Variants in ABLIM3 observed in about 807,000 individuals in gnomAD.
ABLIM3 encodes the protein actin-binding LIM protein 3.
ABLIM3 carries 61 observed loss-of-function variants against 109.5 expected under a neutral mutation model. The observed-to-expected ratio is 0.56, with a 90% CI of 0.45 to 0.69. ABLIM3 has a LOEUF of 0.69. Ranked by LOEUF, ABLIM3 falls within the 30% of genes least tolerant of loss-of-function variation. ABLIM3 has a pLI of 0.00. For missense variants in ABLIM3, 796 were observed against 889.5 expected (o/e 0.89, Z 1.34); for synonymous variants, 300 against 324.8 (o/e 0.92, Z 0.82).
chr5:149,233,812 A>T (rs1231004048), intron 10 of ABLIM3, among the ~76,000 whole-genome samples: 1 of 152,224 alleles, frequency 6.6e-6, no homozygotes, highest in African/African-American at 2.4e-5. Context: ...ATCATGTGGG[A>T]AGTCCAGGGA....
At chr5:149,160,426 CTAG>C (rs1199829040) in intron 2 of ABLIM3, among the ~76,000 whole-genome samples, 1 of 15,712 alleles carries the variant, frequency 6.4e-5, no homozygotes, top group Non-Finnish European at 1.9e-4. Context: ...CATCTGCACT[CTAG>C]TCTGGGCGAC....
At chr5:149,209,017 G>T (rs1759288214) in intron 6 of ABLIM3, among the ~76,000 whole-genome samples, 1 of 152,116 alleles carries the variant, frequency 6.6e-6, no homozygotes, top group Non-Finnish European at 1.5e-5. Flanking sequence ...TCCTGTATAG[G>T]AGCTCAAACA....
At chr5:149,243,070 G>GT (rs1207224700) in intron 15 of ABLIM3, among the ~76,000 whole-genome samples, 1 of 152,210 alleles carries the variant, frequency 6.6e-6, no homozygotes, top group East Asian at 1.9e-4. Context: ...ATGTAGATGA[G>GT]TAAGGTTGCA....
intron 2 of ABLIM3, among the ~76,000 whole-genome samples, chr5:149,183,139 T>A (rs1756608156): frequency 6.6e-6 from 1 of 152,202 alleles, no homozygotes; most frequent in Non-Finnish European, 1.5e-5. Context: ...AAAGATGGTA[T>A]TTTTGATCAC....
chr5:149,170,821 T>A (rs1305144252), intron 2 of ABLIM3, among the ~76,000 whole-genome samples: 2 of 152,244 alleles, frequency 1.3e-5, no homozygotes, highest in African/African-American at 2.4e-5. Flanking sequence ...ATCTCAAAGA[T>A]GTCTCAAAAT....
At chr5:149,162,632 G>C (rs1754475499) in intron 2 of ABLIM3, among the ~76,000 whole-genome samples, 1 of 152,170 alleles carries the variant, frequency 6.6e-6, no homozygotes, top group Non-Finnish European at 1.5e-5. Flanking sequence ...TCACCTTTCA[G>C]TTCCTTTTAC....
intron 2 of ABLIM3, among the ~76,000 whole-genome samples, chr5:149,173,709 CA>C (rs550610446): frequency 4.4e-4 from 67 of 152,140 alleles, no homozygotes; most frequent in African/African-American, 1.6e-3. Flanking sequence ...AGAAGCTGGC[CA>C]GGGGTAAGGC....
intron 10 of ABLIM3, among the ~76,000 whole-genome samples, chr5:149,234,662 A>G (rs1414265056): frequency 1.3e-5 from 2 of 152,248 alleles, no homozygotes; most frequent in East Asian, 3.8e-4. Context: ...CTTTGATCAC[A>G]GGCTGTACTC....
intron 23 of ABLIM3, among the ~76,000 whole-genome samples, chr5:149,256,806 G>A (rs1003243160): frequency 6.6e-6 from 1 of 152,168 alleles, no homozygotes; most frequent in Admixed American, 6.5e-5. Flanking sequence ...CATGGGCTTT[G>A]TCCTATTTTC....
At chr5:149,164,474 TTC>T (rs1387889701) in intron 2 of ABLIM3, among the ~76,000 whole-genome samples, 3 of 152,138 alleles carry the variant, frequency 2.0e-5, no homozygotes, top group African/African-American at 7.2e-5. Context: ...AGGTCAGTGG[TTC>T]TCAAAATATA....
chr5:149,176,765 G>A lies in ABLIM3; in HGVS notation c.14-6687G>A, dbSNP rs536915463. Among the ~76,000 whole-genome samples the A allele has an allele frequency of 3.0e-4, 45 of 152,150 alleles. No homozygotes were observed. The East Asian group carries it at 3.9e-3, about 13-fold the overall frequency. ...CTGCTCCTATTACTTCATGCATGGC[G>A]TCACTTCCAAACCCTCTCCTATACT... On this transcript the variant is annotated intron_variant, in intron 2 of 23. Coordinates refer to ENST00000309868, the MANE Select transcript of ABLIM3 (RefSeq NM_014945.5).
intron 8 of ABLIM3, among the ~76,000 whole-genome samples, chr5:149,225,642 G>A (rs1403075295): frequency 6.6e-6 from 1 of 151,990 alleles, no homozygotes; most frequent in Non-Finnish European, 1.5e-5. Flanking sequence ...TGAGATTTTA[G>A]TGCACCCATC....
At chr5:149,149,827 G>A (rs1753266943) in intron 2 of ABLIM3, among the ~76,000 whole-genome samples, 1 of 152,136 alleles carries the variant, frequency 6.6e-6, no homozygotes, top group African/African-American at 2.4e-5. Context: ...AACAAACAAA[G>A]AGAAGCAAGC....
chr5:149,225,818 T>C (rs185694595), intron 8 of ABLIM3, among the ~76,000 whole-genome samples: 1 of 151,974 alleles, frequency 6.6e-6, no homozygotes, highest in East Asian at 1.9e-4. Flanking sequence ...TGGTTTTCCA[T>C]TCCCGAGTTA....
intron 2 of ABLIM3, among the ~76,000 whole-genome samples, chr5:149,162,207 A>G (rs1754436894): frequency 6.6e-6 from 1 of 152,148 alleles, no homozygotes; most frequent in African/African-American, 2.4e-5. Context: ...TTTTTTTATT[A>G]CTTTTGGTTG....
At chr5:149,163,282 G>A (rs537095884) in intron 2 of ABLIM3, among the ~76,000 whole-genome samples, 57 of 152,240 alleles carry the variant, frequency 3.7e-4, no homozygotes, top group African/African-American at 1.2e-3. Context: ...GCAGATGATG[G>A]GGCTGGGACT....
intron 2 of ABLIM3, among the ~76,000 whole-genome samples, chr5:149,172,952 A>G (rs560285147): frequency 3.9e-5 from 6 of 152,358 alleles, no homozygotes; most frequent in Admixed American, 3.9e-4. Flanking sequence ...CAAAAACTGA[A>G]TGACAGACAA....
At chr5:149,219,244 A>G (rs1760400686) in intron 8 of ABLIM3, 2 of 152,248 alleles carry the variant, frequency 1.3e-5, no homozygotes, top group African/African-American at 4.8e-5. Context: ...ACAATCAAAA[A>G]TGTCTCAGAT....
At chr5:149,153,024 T>C (rs1732477642) in intron 2 of ABLIM3, among the ~76,000 whole-genome samples, 1 of 152,044 alleles carries the variant, frequency 6.6e-6, no homozygotes, top group African/African-American at 2.4e-5. Flanking sequence ...CAAAAGATAA[T>C]TGATGAGTTA....
Sources: gnomAD v4.1 joint callset for allele counts (sites outside exome capture counted in the v4.1 genomes callset) on GRCh38, gnomAD v4.1.1 for gene constraint, MANE v1.5 for transcripts, NCBI Gene and HGNC (gene_info 2026-07-23, HGNC 2026-07-21) for gene names.